The following PFKFB3 variants were observed in gnomAD, a reference collection of about 807,000 sequenced individuals.
The protein encoded by PFKFB3 is 6-phosphofructo-2-kinase/fructose-2,6-bisphosphatase 3.
PFKFB3 carries 33 observed loss-of-function variants against 68.0 expected under a neutral mutation model. The ratio of observed to expected loss-of-function variants is 0.49; its 90% CI spans 0.37 to 0.65. PFKFB3 has a LOEUF of 0.65. Among genes scored for constraint, PFKFB3 ranks in the 30% least tolerant of loss-of-function variants. The pLI is 0.00. For synonymous variants in PFKFB3, 315 were observed against 288.2 expected (o/e 1.09, Z -0.94); for missense variants, 586 against 712.2 (o/e 0.82, Z 2.02).
Position 6,228,065 on chromosome 10 carries a change from CTT to C in PFKFB3, c.1515+1701_1515+1702del. ...TGCCCCTGGCGTTGGGAGGACAGTC[CTT>C]CAGGGTGGCCAGGTTCTTAGGGACG... On this transcript the variant is annotated intron_variant, in intron 14 of 14. Coordinates refer to ENST00000379775, the MANE Select transcript of PFKFB3 (RefSeq NM_004566.4). This position sits in a 1 kb window ranked among gnomAD's most constrained non-coding sequence, Gnocchi z 4.5. 1.1e-6 allele frequency: 1 copy of C among 923,342 alleles called. No individual in the cohort carries two copies. The highest frequency in any genetic ancestry group is 1.7e-6 in the Non-Finnish European group (1 of 571,938). The allele number at this position is 923,342 out of a possible 1,614,324, so 57.2% of individuals were successfully genotyped here.
intron 13 of PFKFB3, among the ~76,000 whole-genome samples, chr10:6,225,675 G>T (rs1845293112): frequency 6.6e-6 from 1 of 151,832 alleles, no homozygotes; most frequent in African/African-American, 2.4e-5. Context: ...TGGTCTCCAG[G>T]CTTGTTTTGC....
the PFKFB3 span, among the ~76,000 whole-genome samples, chr10:6,266,611 G>C: frequency 6.6e-6 from 1 of 152,190 alleles, no homozygotes; most frequent in Non-Finnish European, 1.5e-5. Flanking sequence ...ATGTATGTGT[G>C]TGTATCTATA....
chr10:6,238,245 A>C (rs147963354), downstream of PFKFB3, among the ~76,000 whole-genome samples: 785 of 151,684 alleles, frequency 5.2e-3, 12 homozygotes, highest in African/African-American at 0.018. Flanking sequence ...GCTCGCTGCA[A>C]CCTCCACCTC....
intron 1 of PFKFB3, among the ~76,000 whole-genome samples, chr10:6,211,668 G>A (rs114054497): frequency 0.018 from 2,733 of 152,290 alleles, 87 homozygotes; most frequent in African/African-American, 0.061. Flanking sequence ...TTCCACTCAT[G>A]TGCTCAGGAT....
intron 1 of PFKFB3, among the ~76,000 whole-genome samples, chr10:6,209,390 A>G (rs1002961822): frequency 6.6e-6 from 1 of 152,232 alleles, no homozygotes; most frequent in African/African-American, 2.4e-5. Flanking sequence ...AGGTGTGTGA[A>G]AAAGAAGTTA....
intron 7 of PFKFB3, among the ~76,000 whole-genome samples, chr10:6,219,940 T>G (rs1056249517): frequency 3.3e-5 from 5 of 152,140 alleles, no homozygotes; most frequent in Admixed American, 6.5e-5. Flanking sequence ...AAAACAATCC[T>G]TGATGACAAA....
the PFKFB3 span, among the ~76,000 whole-genome samples, chr10:6,262,290 T>G: frequency 6.7e-6 from 1 of 150,290 alleles, no homozygotes; most frequent in South Asian, 2.1e-4. Flanking sequence ...CTGTCTCTAC[T>G]AAAAATACAA....
At chr10:6,296,036 T>G in the PFKFB3 span, among the ~76,000 whole-genome samples, 1 of 152,152 alleles carries the variant, frequency 6.6e-6, no homozygotes, top group Non-Finnish European at 1.5e-5. Flanking sequence ...GAAGCTGTCA[T>G]TCTTTGTATT....
chr10:6,199,658 ATTTT>A (rs143309528), upstream of PFKFB3, among the ~76,000 whole-genome samples: 379 of 75,570 alleles, frequency 5.0e-3, 9 homozygotes, highest in East Asian at 0.086. Context: ...CTATTTTTAA[ATTTT>A]TTTTTTTTTT....
chr10:6,199,302 G>A (rs1843256065), upstream of PFKFB3, among the ~76,000 whole-genome samples: 1 of 152,110 alleles, frequency 6.6e-6, no homozygotes, highest in Admixed American at 6.6e-5. Context: ...TCACGGAAAT[G>A]CGGTTGCTTG....
the PFKFB3 span, among the ~76,000 whole-genome samples, chr10:6,269,671 G>T: frequency 6.6e-6 from 1 of 152,060 alleles, no homozygotes; most frequent in Non-Finnish European, 1.5e-5. Context: ...GAGAGAGGAG[G>T]CAGTAAGACT....
rs912136914 is a variant in PFKFB3, at chr10:6,213,735, C to T, written c.189C>T (p.Gly63=). The T allele has an allele frequency of 1.2e-5, 19 of 1,612,540 alleles. No individual in the cohort carries two copies. In the Admixed American group the frequency reaches 1.5e-4, roughly 13 times the overall value. Residue 63 remains glycine (G), a synonymous_variant, in exon 2 of 15, where the codon GGC becomes GGT. Coordinates refer to ENST00000379775, the MANE Select transcript of PFKFB3 (RefSeq NM_004566.4). The part of the protein sequence containing the change: ...KKLTRYLNWI[G]VPTKVFNVGE... ...TGACTCGCTACCTCAACTGGATTGGCGTCCCCACAAAAGGTGAGACTGGGT... is the reference window on the plus strand; with the variant it reads ...TGACTCGCTACCTCAACTGGATTGGTGTCCCCACAAAAGGTGAGACTGGGT...
the PFKFB3 span, among the ~76,000 whole-genome samples, chr10:6,318,643 G>A: frequency 2.0e-5 from 3 of 152,308 alleles, no homozygotes; most frequent in South Asian, 2.1e-4. Context: ...CAGCTTTCTC[G>A]TGACTGATGT....
the PFKFB3 span, among the ~76,000 whole-genome samples, chr10:6,267,850 G>T: frequency 6.6e-6 from 1 of 151,300 alleles, no homozygotes; most frequent in East Asian, 1.9e-4. Flanking sequence ...AGCTACTCGG[G>T]AGGCTGAAGC....
In PFKFB3 at chr10:6,221,729, G is replaced by A. The variant is rs775015647; in HGVS notation, c.1067G>A (p.Arg356His). ...ALREQDKYYY[R>H]YPTGESYQDL... Reference sequence around the variant, plus strand: ...CGGGAGCAGGACAAGTACTATTACCGCTACCCCACCGGGGAGGTGAGCGCA... The same window carrying A: ...CGGGAGCAGGACAAGTACTATTACCACTACCCCACCGGGGAGGTGAGCGCA... Residue 356 changes from arginine (R) to histidine (H), a missense_variant, in exon 10 of 15, where the codon CGC becomes CAC. By Grantham distance (29) the Arg-to-His change is conservative. Coordinates refer to ENST00000379775, the MANE Select transcript of PFKFB3 (RefSeq NM_004566.4). The A allele has an allele frequency of 5.0e-6, 8 of 1,601,846 alleles. No homozygotes were observed. The highest frequency in any genetic ancestry group is 2.3e-5 in the South Asian group (2 of 88,866).
chr10:6,264,174 A>C, the PFKFB3 span, among the ~76,000 whole-genome samples: 1 of 152,318 alleles, frequency 6.6e-6, no homozygotes, highest in Non-Finnish European at 1.5e-5. Flanking sequence ...TCATTAATCT[A>C]GAGGGACTGC....
At chr10:6,326,536 T>C in the PFKFB3 span, 635 of 455,938 alleles carry the variant, frequency 1.4e-3, 4 homozygotes, top group African/African-American at 0.012. Flanking sequence ...AACCCCAAAT[T>C]GTCTTCTAGA....
chr10:6,312,534 G>T, the PFKFB3 span, among the ~76,000 whole-genome samples: 7 of 152,128 alleles, frequency 4.6e-5, no homozygotes. Flanking sequence ...TCATAAAATA[G>T]GCTAAAATCT....
chr10:6,203,144 G>C lies in PFKFB3; in HGVS notation c.-117G>C, dbSNP rs944362430. 11 of 1,498,774 alleles carry C rather than the reference G, an allele frequency of 7.3e-6. No homozygotes were observed. The South Asian group carries it at 1.3e-4, about 17-fold the overall frequency. 92.8% of individuals were successfully genotyped at this position (1,498,774 alleles called of 1,614,324 possible). A position where few individuals can be genotyped will look rare whatever the true frequency, so the allele number is the denominator to read the frequency against. On this transcript the variant is annotated 5_prime_UTR_variant, in exon 1 of 15. Coordinates refer to ENST00000379775, the MANE Select transcript of PFKFB3 (RefSeq NM_004566.4). ...TCCCCTGGCAGCGCAGGAAACGCCCGGCCGCGCGCCGGCGCACGCCCCCCT... is the reference window on the plus strand; with the variant it reads ...TCCCCTGGCAGCGCAGGAAACGCCCCGCCGCGCGCCGGCGCACGCCCCCCT...
Sources: allele counts gnomAD v4.1 joint callset (sites outside exome capture counted in the v4.1 genomes callset), GRCh38; gene constraint gnomAD v4.1.1; non-coding constraint Gnocchi (gnomAD v3.1); transcripts MANE v1.5; gene names NCBI Gene and HGNC (gene_info 2026-07-23, HGNC 2026-07-21).